CSNK1D: variants seen among roughly 807,000 people sequenced by gnomAD.
The protein encoded by CSNK1D is casein kinase I isoform delta.
A neutral mutation model predicts 46.6 loss-of-function variants in CSNK1D; 16 were observed. That is an observed-to-expected ratio of 0.34 (90% CI 0.23 to 0.52). The LOEUF is 0.52. CSNK1D is among the 20% of genes least tolerant of loss of function. The probability of loss-of-function intolerance (pLI) is 0.95; values close to 1 mark genes in which losing one functional copy is unlikely to be tolerated. For missense variants in CSNK1D, 398 were observed against 578.4 expected (o/e 0.69, Z 3.20); for synonymous variants, 276 against 228.2 (o/e 1.21, Z -1.89).
At chr17:82,246,441 G>T in intron 8 of CSNK1D, 1 of 1,160,482 alleles carries the variant, frequency 8.6e-7, no homozygotes. Flanking sequence ...GTCCTGGGCA[G>T]GAGTTGATCA....
rs1442601224 is a variant in CSNK1D, at chr17:82,243,793, G to A, written c.*988C>T. 3.0e-6 allele frequency: 3 copies of A among 985,366 alleles called. No individual in the cohort carries two copies. The highest frequency in any genetic ancestry group is 3.6e-6 in the Non-Finnish European group (3 of 829,974). The allele number at this position is 985,366 out of a possible 1,614,324, so 61.0% of individuals were successfully genotyped here. A position where few individuals can be genotyped will look rare whatever the true frequency, so the allele number is the denominator to read the frequency against. On this transcript the variant is annotated 3_prime_UTR_variant, in exon 9 of 9. Coordinates refer to ENST00000314028, the MANE Select transcript of CSNK1D (RefSeq NM_001893.6). Reference sequence around the variant, plus strand: ...TGAGTGCTGAGAAAATGGACTGAGTGCAAAGGCAGCAAGGCAACAAACACT... The same window carrying A: ...TGAGTGCTGAGAAAATGGACTGAGTACAAAGGCAGCAAGGCAACAAACACT...
At chr17:82,239,913 C>T (rs1231582770), downstream of CSNK1D, 1 of 1,022,234 alleles carries the variant, frequency 9.8e-7, no homozygotes, top group Non-Finnish European at 1.3e-6. Flanking sequence ...CTAACACCCA[C>T]CTGCCCTCGT....
chr17:82,247,424 G>A, intron 8 of CSNK1D: 1 of 985,418 alleles, frequency 1.0e-6, no homozygotes. Context: ...CCAAACCACT[G>A]GACACTTTAC....
In CSNK1D at chr17:82,244,752, T is replaced by G; in HGVS notation, c.*29A>C. 1 of 1,613,888 alleles carries G rather than the reference T, an allele frequency of 6.2e-7. No homozygotes were observed. On this transcript the variant is annotated 3_prime_UTR_variant, in exon 9 of 9. Transcript: ENST00000314028. ...AACAGAGTAGATCAGCCATGCATTG[T>G]CTGCCCTTCACAGCAATAAGGAGAG... is the stretch of plus-strand genomic sequence containing the variant.
downstream of CSNK1D, among the ~76,000 whole-genome samples, chr17:82,242,229 G>A (rs2147145364): frequency 6.6e-6 from 1 of 151,794 alleles, no homozygotes; most frequent in South Asian, 2.1e-4. Flanking sequence ...GGGGGGAAGA[G>A]GAACCCTATC....
rs1262992529 is a variant in CSNK1D at position 82,244,358 on chromosome 17, CAG to C, written c.*421_*422del. ...AAACAGACAAGAAACAATAAAAAGA[CAG>C]ATTTTCTTTACACAGATTTAAGCCA... On this transcript the variant is annotated 3_prime_UTR_variant, in exon 9 of 9. Coordinates refer to ENST00000314028, the MANE Select transcript of CSNK1D (RefSeq NM_001893.6). 2 of 1,097,552 alleles carry C rather than the reference CAG, an allele frequency of 1.8e-6. No individual in the cohort carries two copies. The highest frequency in any genetic ancestry group is 2.2e-6 in the Non-Finnish European group (2 of 896,330). 68.0% of individuals were successfully genotyped at this position (1,097,552 alleles called of 1,614,324 possible).
downstream of CSNK1D, among the ~76,000 whole-genome samples, chr17:82,240,324 G>C (rs1472186355): frequency 6.6e-6 from 1 of 151,998 alleles, no homozygotes; most frequent in Non-Finnish European, 1.5e-5. Context: ...GAAAGACGAG[G>C]AGGCAGGGAG....
At chr17:82,239,794 G>A (rs983916004), downstream of CSNK1D, 15 of 398,270 alleles carry the variant, frequency 3.8e-5, no homozygotes, top group African/African-American at 2.5e-4. Context: ...TCCCTTTTTC[G>A]CCCCTCTGCC....
In CSNK1D at chr17:82,248,860, G is replaced by C. The variant is rs1270726521; in HGVS notation, c.1197+15C>G. The C allele has an allele frequency of 1.2e-6, 2 of 1,606,898 alleles. No homozygotes were observed. The highest frequency in any genetic ancestry group is 3.4e-5 in the Admixed American group (2 of 59,512). ...AGCCCGAGGCCCAGCGCCCGCCCGG[G>C]AGCTCTGCACCTACCTGTGAGGTGG... On this transcript the variant is annotated intron_variant, in intron 8 of 8. Transcript: ENST00000314028. The surrounding 1 kb of genome is among the most constrained non-coding windows in gnomAD (Gnocchi z 4.1).
chr17:82,245,881 G>C lies in CSNK1D; in HGVS notation c.1198-1050C>G, dbSNP rs538817221. 725 of 1,304,340 alleles carry C rather than the reference G, an allele frequency of 5.6e-4. 12 individuals are homozygous for C. Among genetic ancestry groups the C allele is most frequent in the Non-Finnish European group, 3.3e-5 (31 of 929,994 alleles). The allele number at this position is 1,304,340 out of a possible 1,614,324, so 80.8% of individuals were successfully genotyped here. A position where few individuals can be genotyped will look rare whatever the true frequency, so the allele number is the denominator to read the frequency against. Reference sequence around the variant, plus strand: ...TCACTCTACCTCCAGCACCTGGCATGCAAGCCCAGCCCACCTGCAAGCTCC... The same window carrying C: ...TCACTCTACCTCCAGCACCTGGCATCCAAGCCCAGCCCACCTGCAAGCTCC... On this transcript the variant is annotated intron_variant, in intron 8 of 8. Transcript: ENST00000314028.
intron 8 of CSNK1D, chr17:82,245,253 C>T (rs2050820298): frequency 3.0e-6 from 1 of 332,052 alleles, no homozygotes; most frequent in Non-Finnish European, 5.8e-6. Flanking sequence ...CCCAGCGGCA[C>T]AGACCCGACA....
rs557487183 is a variant in CSNK1D at position 82,251,354 on chromosome 17, C to G, written c.885+25G>C. On this transcript the variant is annotated intron_variant, in intron 6 of 8. Coordinates refer to ENST00000314028, the MANE Select transcript of CSNK1D (RefSeq NM_001893.6). This position sits in a 1 kb window ranked among gnomAD's most constrained non-coding sequence, Gnocchi z 4.5. ...GCCATCCCCCGCACACCACACTCAG[C>G]GAACGTGCTGGCAGTGCGACTTACA... 5 of 1,613,728 alleles carry G rather than the reference C, an allele frequency of 3.1e-6. No individual in the cohort carries two copies. The South Asian group carries it at 3.3e-5, about 11-fold the overall frequency.
chr17:82,239,907 C>T, downstream of CSNK1D: 1 of 973,782 alleles, frequency 1.0e-6, no homozygotes, highest in Non-Finnish European at 1.3e-6. Flanking sequence ...GGACACCTAA[C>T]ACCCACCTGC....
At position 82,248,946 on chromosome 17, in the gene CSNK1D, C is replaced by T. The variant is rs375067439; in HGVS notation, c.1126G>A (p.Gly376Arg). 15 of 1,599,962 alleles carry T rather than the reference C, an allele frequency of 9.4e-6. No homozygotes were observed. Among genetic ancestry groups the T allele is most frequent in the African/African-American group, 8.0e-5 (6 of 74,590 alleles). The change falls in exon 8 of 9, where the codon GGG (glycine) becomes AGG (arginine). Residue 376 changes from glycine (G) to arginine (R), a missense_variant. Physicochemically the swap from Gly to Arg is moderately radical, Grantham distance 125. Coordinates refer to ENST00000314028, the MANE Select transcript of CSNK1D (RefSeq NM_001893.6). This position sits in a 1 kb window ranked among gnomAD's most constrained non-coding sequence, Gnocchi z 4.1. ...ERKVSMRLHRGAPVNISSSDL... is the reference protein window; with the variant it reads ...ERKVSMRLHRRAPVNISSSDL... ...GACGAGGAGATGTTGACGGGGGCCCCGCGGTGCAGCCGCATACTCACTTTC... is the reference window on the plus strand; with the variant it reads ...GACGAGGAGATGTTGACGGGGGCCCTGCGGTGCAGCCGCATACTCACTTTC...
chr17:82,240,426 T>C (rs2050726779), downstream of CSNK1D, among the ~76,000 whole-genome samples: 1 of 152,188 alleles, frequency 6.6e-6, no homozygotes, highest in Non-Finnish European at 1.5e-5. Flanking sequence ...ACCAGGGGAC[T>C]GCTCACACCC....
In CSNK1D at chr17:82,243,698, A is replaced by G; in HGVS notation, c.*1083T>C. 2 of 985,486 alleles carry G rather than the reference A, an allele frequency of 2.0e-6. No homozygotes were observed. Among genetic ancestry groups the G allele is most frequent in the Non-Finnish European group, 2.4e-6 (2 of 829,964 alleles). The allele number at this position is 985,486 out of a possible 1,614,324, so 61.0% of individuals were successfully genotyped here. A position where few individuals can be genotyped will look rare whatever the true frequency, so the allele number is the denominator to read the frequency against. Reference sequence around the variant, plus strand: ...TCTGAGCTAGTCTTGGCACGTGGCAAGGACAGCCCCGCTCCTGGTTTTAAG... The same window carrying G: ...TCTGAGCTAGTCTTGGCACGTGGCAGGGACAGCCCCGCTCCTGGTTTTAAG... On this transcript the variant is annotated 3_prime_UTR_variant, in exon 9 of 9. Transcript: ENST00000314028.
intron 2 of CSNK1D, among the ~76,000 whole-genome samples, chr17:82,258,883 CAAAGTATCATCACGA>C (rs1386758004): frequency 3.9e-5 from 6 of 152,216 alleles, no homozygotes; most frequent in Admixed American, 3.9e-4. Flanking sequence ...CAGAACCACA[CAAAGTATCATCACGA>C]CAGCTTTATA....
At chr17:82,254,094 C>A in intron 3 of CSNK1D, 1 of 179,524 alleles carries the variant, frequency 5.6e-6, no homozygotes, top group Non-Finnish European at 1.0e-5. Context: ...GCTGAGCCGC[C>A]GGAGCCTCGA....
chr17:82,249,792 G>A lies in CSNK1D; in HGVS notation c.886-190C>T, dbSNP rs1405194951. 1 of 1,446,846 alleles carries A rather than the reference G, an allele frequency of 6.9e-7. No individual in the cohort carries two copies. Among genetic ancestry groups the A allele is most frequent in the Non-Finnish European group, 9.1e-7 (1 of 1,103,932 alleles). 89.6% of individuals were successfully genotyped at this position (1,446,846 alleles called of 1,614,324 possible). ...AGCATCATCCCCACAAGGGGTCAGA[G>A]CCAGGCCTCTCAGCTCCCCCAACAA... On this transcript the variant is annotated intron_variant, in intron 6 of 8. Transcript: ENST00000314028. This position sits in a 1 kb window ranked among gnomAD's most constrained non-coding sequence, Gnocchi z 6.7.
Sources: allele counts gnomAD v4.1 joint callset (sites outside exome capture counted in the v4.1 genomes callset), GRCh38; gene constraint gnomAD v4.1.1; non-coding constraint Gnocchi (gnomAD v3.1); transcripts MANE v1.5; gene names NCBI Gene and HGNC (gene_info 2026-07-23, HGNC 2026-07-21).